RSRC2: variants seen among roughly 807,000 people sequenced by gnomAD.
RSRC2 encodes arginine/serine-rich coiled-coil protein 2.
A neutral mutation model predicts 61.3 loss-of-function variants in RSRC2; 5 were observed. That is an observed-to-expected ratio of 0.08 (90% CI 0.04 to 0.17). The LOEUF (loss-of-function observed/expected upper bound fraction) is 0.17. RSRC2 is among the 10% of genes least tolerant of loss of function. The pLI is 1.00. For synonymous variants in RSRC2, 202 were observed against 166.5 expected (o/e 1.21, Z -1.64); for missense variants, 381 against 518.8 (o/e 0.73, Z 2.58).
intron 3 of RSRC2, chr12:122,520,944 T>C (rs1192102388): frequency 2.8e-5 from 6 of 216,722 alleles, no homozygotes; most frequent in Non-Finnish European, 9.5e-6. Context: ...TTAGGGAAAC[T>C]GAACTAGTTT....
At position 122,517,298 on chromosome 12, in the gene RSRC2, C is replaced by T. The variant is rs749945393; in HGVS notation, c.531G>A (p.Arg177=). 2 of 1,614,094 alleles carry T rather than the reference C, an allele frequency of 1.2e-6. No individual in the cohort carries two copies. The highest frequency in any genetic ancestry group is 3.3e-5 in the Admixed American group (2 of 60,016). The change falls in exon 5 of 10, where the codon AGG becomes AGA. Residue 177 remains arginine (R), a synonymous_variant. Transcript: ENST00000331738. The part of the protein sequence containing the change: ...SRSRERKRRI[R]SRSRSRSRHR... ...GTCTTGATCTTGAGCGGGAACGAGA[C>T]CTGATCCGCCGTTTTCTTTCCCTGC...
At chr12:122,516,632 C>T (rs1958949847) in intron 5 of RSRC2, among the ~76,000 whole-genome samples, 1 of 152,118 alleles carries the variant, frequency 6.6e-6, no homozygotes, top group Admixed American at 6.5e-5. Flanking sequence ...GGTAAGTATG[C>T]AAAAGGAGAT....
In RSRC2 at chr12:122,514,266, G is replaced by GTTTTTTTTTTTTTTTTTT. The variant is rs140608487; in HGVS notation, c.725+838_725+839insAAAAAAAAAAAAAAAAAA. Among the ~76,000 whole-genome samples the GTTTTTTTTTTTTTTTTTT allele has an allele frequency of 1.5e-5, 2 of 137,290 alleles. 1 individual carries two copies. 90.1% of individuals were successfully genotyped at this position (137,290 alleles called of 152,430 possible). ...AATTTATTTTTGTGTGTGTGTGTGT[G>GTTTTTTTTTTTTTTTTTT]TGTGTTTTTTTTTTTTGAGACTGAG... On this transcript the variant is annotated intron_variant, in intron 6 of 9. Transcript: ENST00000331738.
intron 5 of RSRC2, among the ~76,000 whole-genome samples, chr12:122,516,279 T>C (rs969090667): frequency 6.6e-6 from 1 of 152,194 alleles, no homozygotes; most frequent in African/African-American, 2.4e-5. Flanking sequence ...ACGCATTCAT[T>C]GAAGAATATT....
Position 122,521,401 on chromosome 12 carries a change from C to T in RSRC2, c.191G>A (p.Arg64Gln), listed in dbSNP as rs764370825. 11 of 1,612,126 alleles carry T rather than the reference C, an allele frequency of 6.8e-6. No homozygotes were observed. Among genetic ancestry groups the T allele is most frequent in the South Asian group, 1.1e-5 (1 of 91,020 alleles). Residue 64 changes from arginine (R) to glutamine (Q), a missense_variant, in exon 3 of 10, where the codon CGG (arginine) becomes CAG (glutamine). Arg to Gln is a conservative substitution (Grantham distance 43). This residue lies in a region of RSRC2 where 266 missense variants were observed against 270.5 expected (regional missense o/e 0.98). Coordinates refer to ENST00000331738, the MANE Select transcript of RSRC2 (RefSeq NM_023012.6). ...SDNEGRKHRS[R>Q]SRSKEGRRHE... ...GTTAATTACCTCTTTGCTTCTGCTC[C>T]GGCTCCTGTGTTTTCTTCCTTCATT...
chr12:122,511,489 T>C (rs1490733441), intron 6 of RSRC2, among the ~76,000 whole-genome samples: 3 of 152,214 alleles, frequency 2.0e-5, no homozygotes, highest in Non-Finnish European at 4.4e-5. Context: ...GCAAGTAACA[T>C]ATTGAAAGCT....
intron 5 of RSRC2, among the ~76,000 whole-genome samples, chr12:122,516,269 A>T (rs2137498216): frequency 6.6e-6 from 1 of 152,296 alleles, no homozygotes. Flanking sequence ...GCAGAGAATA[A>T]CGCATTCATT....
rs58751034 is a variant in RSRC2, at chr12:122,513,196, A to AAAATAAATAAAT, written c.725+1897_725+1908dup. On this transcript the variant is annotated intron_variant, in intron 6 of 9. Transcript: ENST00000331738. ...GGCAACAGAGCAAGACTCCGTCTCA[A>AAAATAAATAAAT]AAATAAATAAATAAATAAATAAATA... Among the ~76,000 whole-genome samples, 16 of 129,892 alleles carry AAAATAAATAAAT rather than the reference A, an allele frequency of 1.2e-4. No individual in the cohort carries two copies. The East Asian group carries it at 1.3e-3, about 11-fold the overall frequency. 85.2% of individuals were successfully genotyped at this position (129,892 alleles called of 152,430 possible).
In RSRC2 at chr12:122,511,041, C is replaced by G. The variant is rs1048894020; in HGVS notation, c.805+68G>C. The G allele has an allele frequency of 1.0e-5, 12 of 1,149,174 alleles. No individual in the cohort carries two copies. The South Asian group carries it at 1.6e-4, about 16-fold the overall frequency. 71.2% of individuals were successfully genotyped at this position (1,149,174 alleles called of 1,614,324 possible). ...TCCAGTCAGAATGACAGAGCAAATC[C>G]CTGTGAAAAACAAAAAAGCTTGAAA... On this transcript the variant is annotated intron_variant, in intron 7 of 9. Transcript: ENST00000331738.
At chr12:122,517,487 A>G (rs2137510125) in intron 4 of RSRC2, 57 bp from the exon 5 acceptor site, 7 of 1,603,696 alleles carry the variant, frequency 4.4e-6, no homozygotes, top group East Asian at 2.2e-5. Context: ...TTTCATTTAT[A>G]CACATCATGA....
In RSRC2 at chr12:122,517,308, C is replaced by T; in HGVS notation, c.521G>A (p.Arg174Gln). ...KSRSRSRERK[R>Q]RIRSRSRSRS... Reference sequence around the variant, plus strand: ...TGAGCGGGAACGAGACCTGATCCGCCGTTTTCTTTCCCTGCTTCTGGATCT... The same window carrying T: ...TGAGCGGGAACGAGACCTGATCCGCTGTTTTCTTTCCCTGCTTCTGGATCT... The change falls in exon 5 of 10, where the codon CGG (arginine) becomes CAG (glutamine). Residue 174 changes from arginine to glutamine, a missense_variant. Around this residue, in one of 4 missense-constraint regions of RSRC2, gnomAD observed 266 missense variants for 270.5 expected, o/e 0.98. Coordinates refer to ENST00000331738, the MANE Select transcript of RSRC2 (RefSeq NM_023012.6). 3 of 1,614,012 alleles carry T rather than the reference C, an allele frequency of 1.9e-6. No individual in the cohort carries two copies. The highest frequency in any genetic ancestry group is 1.7e-6 in the Non-Finnish European group (2 of 1,180,000).
chr12:122,505,268 T>C lies in RSRC2; in HGVS notation c.*259A>G, dbSNP rs1958047024. 3.1e-6 allele frequency: 1 copy of C among 325,858 alleles called. No homozygotes were observed. 20.2% of individuals were successfully genotyped at this position (325,858 alleles called of 1,614,324 possible). A position where few individuals can be genotyped will look rare whatever the true frequency, so the allele number is the denominator to read the frequency against. ...ATTTTATCCCCACCTGCAGCTTTTATATATTTGAAAAGTAGAATTCATGAA... is the reference window on the plus strand; with the variant it reads ...ATTTTATCCCCACCTGCAGCTTTTACATATTTGAAAAGTAGAATTCATGAA... On this transcript the variant is annotated 3_prime_UTR_variant, in exon 10 of 10. Coordinates refer to ENST00000331738, the MANE Select transcript of RSRC2 (RefSeq NM_023012.6).
intron 8 of RSRC2, 59 bp from the exon 9 acceptor site, chr12:122,506,982 A>C (rs758034964): frequency 1.3e-5 from 12 of 929,556 alleles, no homozygotes; most frequent in Non-Finnish European, 2.1e-5. Flanking sequence ...TAGGACATGA[A>C]ATCTCTCAAC....
chr12:122,508,207 A>C lies in RSRC2; in HGVS notation c.1035+11T>G, dbSNP rs1222774346. On this transcript the variant is annotated intron_variant, in intron 8 of 9. Coordinates refer to ENST00000331738, the MANE Select transcript of RSRC2 (RefSeq NM_023012.6). ...GAATAAACGACAGAAAAGCAGAATA[A>C]GAGAACTTACCCCTTCTTTCTTGCC... 6.2e-7 allele frequency: 1 copy of C among 1,605,394 alleles called. No individual in the cohort carries two copies. Among genetic ancestry groups the C allele is most frequent in the Admixed American group, 1.7e-5 (1 of 60,010 alleles).
Position 122,521,127 on chromosome 12 carries a change from C to A in RSRC2, c.207+258G>T, listed in dbSNP as rs1462823226. The A allele has an allele frequency of 1.8e-5, 7 of 380,396 alleles. No homozygotes were observed. The South Asian group carries it at 2.1e-4, about 12-fold the overall frequency. 23.6% of individuals were successfully genotyped at this position (380,396 alleles called of 1,614,324 possible). On this transcript the variant is annotated intron_variant, in intron 3 of 9. Coordinates refer to ENST00000331738, the MANE Select transcript of RSRC2 (RefSeq NM_023012.6). Reference sequence around the variant, plus strand: ...GCTCTGTGTGACAGGCCTAAAAAAACCAATCATATTCTTCATATGAAATTT... The same window carrying A: ...GCTCTGTGTGACAGGCCTAAAAAAAACAATCATATTCTTCATATGAAATTT...
chr12:122,505,848 G>A lies in RSRC2; in HGVS notation c.1126-142C>T, dbSNP rs1286257452. 6.9e-5 allele frequency: 45 copies of A among 652,396 alleles called. No homozygotes were observed. The East Asian group carries it at 1.1e-3, about 16-fold the overall frequency. 40.4% of individuals were successfully genotyped at this position (652,396 alleles called of 1,614,324 possible). A position where few individuals can be genotyped will look rare whatever the true frequency, so the allele number is the denominator to read the frequency against. On this transcript the variant is annotated intron_variant, in intron 9 of 9. Transcript: ENST00000331738. ...GTCTGGAGTGCAGTGGTGCCATCTCGGCTCACTGCAACCTCTGCCTCCTGG... is the reference window on the plus strand; with the variant it reads ...GTCTGGAGTGCAGTGGTGCCATCTCAGCTCACTGCAACCTCTGCCTCCTGG...
intron 6 of RSRC2, among the ~76,000 whole-genome samples, chr12:122,512,267 G>A (rs1035653495): frequency 6.6e-6 from 1 of 152,196 alleles, no homozygotes; most frequent in African/African-American, 2.4e-5. Flanking sequence ...ATTCCTGAAA[G>A]AGGAACTCTT....
At chr12:122,513,191 T>C (rs950876884) in intron 6 of RSRC2, among the ~76,000 whole-genome samples, 7 of 136,750 alleles carry the variant, frequency 5.1e-5, no homozygotes, top group Non-Finnish European at 7.9e-5. Context: ...CAAGACTCCG[T>C]CTCAAAAATA....
chr12:122,505,981 A>G (rs1332632077), intron 9 of RSRC2, among the ~76,000 whole-genome samples: 1 of 151,316 alleles, frequency 6.6e-6, no homozygotes, highest in East Asian at 2.0e-4. Context: ...GTTTCACCAC[A>G]TTGGTCAGGC....
Sources: allele counts gnomAD v4.1 joint callset (sites outside exome capture counted in the v4.1 genomes callset), GRCh38; gene constraint gnomAD v4.1.1; regional missense constraint gnomAD v4.1.1; transcripts MANE v1.5; gene names NCBI Gene and HGNC (gene_info 2026-07-23, HGNC 2026-07-21).